The following DDX24 variants were observed in gnomAD, a reference collection of about 807,000 sequenced individuals.
DDX24 encodes the protein DEAD-box helicase 24.
Under a neutral mutation model 68.9 loss-of-function variants are expected in DDX24, and 24 were observed. The observed-to-expected ratio is 0.35, with a 90% CI of 0.25 to 0.49. The LOEUF is 0.49. Ranked by LOEUF, DDX24 falls within the 20% of genes least tolerant of loss-of-function variation. The pLI is 0.99. For synonymous variants in DDX24, 395 were observed against 385.2 expected (o/e 1.03, Z -0.30); for missense variants, 989 against 1,039.0 (o/e 0.95, Z 0.66).
At chr14:94,057,499 C>T (rs959620392) in intron 6 of DDX24, 1 of 267,570 alleles carries the variant, frequency 3.7e-6, no homozygotes, top group Admixed American at 5.3e-5. Context: ...AACTACCACA[C>T]TCTTCTATTA....
In DDX24 at chr14:94,057,803, A is replaced by C. The variant is rs1198689774; in HGVS notation, c.1989+19T>G. ...CATTCAGTGCAGGCAGATGCCTATA[A>C]ATTTTCAGATGCCCCTACCTGGTAA... is the stretch of plus-strand genomic sequence containing the variant. On this transcript the variant is annotated intron_variant, in intron 6 of 8. Coordinates refer to ENST00000621632, the MANE Select transcript of DDX24 (RefSeq NM_020414.4). 1 of 1,612,458 alleles carries C rather than the reference A, an allele frequency of 6.2e-7. No homozygotes were observed.
intron 2 of DDX24, among the ~76,000 whole-genome samples, chr14:94,069,323 G>T (rs1196870629): frequency 6.6e-6 from 1 of 151,988 alleles, no homozygotes; most frequent in African/African-American, 2.4e-5. Context: ...GGAAGAATGA[G>T]ATACCCTGAA....
chr14:94,052,681 TGACTC>T (rs1885409180), intron 8 of DDX24, among the ~76,000 whole-genome samples: 1 of 152,216 alleles, frequency 6.6e-6, no homozygotes, highest in African/African-American at 2.4e-5. Context: ...TTAAATAACT[TGACTC>T]AGTCACATAG....
chr14:94,065,784 G>A (rs973858692), intron 2 of DDX24, among the ~76,000 whole-genome samples: 2 of 139,254 alleles, frequency 1.4e-5, no homozygotes, highest in Non-Finnish European at 3.0e-5. Flanking sequence ...TTTACCTGGA[G>A]CTGAGTCAAG....
chr14:94,050,313 C>T lies in DDX24; in HGVS notation c.*878G>A, dbSNP rs922959986. The T allele has an allele frequency of 4.6e-5, 7 of 152,276 alleles. No individual in the cohort carries two copies. The highest frequency in any genetic ancestry group is 1.9e-4 in the East Asian group (1 of 5,198). The allele number at this position is 152,276 out of a possible 1,614,324, so 9.4% of individuals were successfully genotyped here. Reference sequence around the variant, plus strand: ...GCAAGTGCTATGAAGAGGGTAAGCACGGGACACTAAGGGAGCCCCAGGAGA... The same window carrying T: ...GCAAGTGCTATGAAGAGGGTAAGCATGGGACACTAAGGGAGCCCCAGGAGA... On this transcript the variant is annotated 3_prime_UTR_variant, in exon 9 of 9. Coordinates refer to ENST00000621632, the MANE Select transcript of DDX24 (RefSeq NM_020414.4).
At chr14:94,069,746 G>A (rs1233453154) in intron 2 of DDX24, among the ~76,000 whole-genome samples, 3 of 152,138 alleles carry the variant, frequency 2.0e-5, no homozygotes. Flanking sequence ...CATAAGCAGA[G>A]TTAAAAACCA....
intron 2 of DDX24, among the ~76,000 whole-genome samples, chr14:94,070,544 A>G (rs887300905): frequency 6.6e-6 from 1 of 152,240 alleles, no homozygotes; most frequent in African/African-American, 2.4e-5. Flanking sequence ...AAGAGCCTGC[A>G]TAGCCAAAAC....
At chr14:94,051,492 TTAC>T (rs1206727677) in intron 8 of DDX24, 30 bp from the exon 9 acceptor site, 1 of 1,503,942 alleles carries the variant, frequency 6.6e-7, no homozygotes, top group Non-Finnish European at 8.9e-7. Flanking sequence ...ACGATCCTAT[TTAC>T]TATGGTTTGT....
chr14:94,055,307 G>A (rs1444358749), intron 6 of DDX24, 123 bp from the exon 7 acceptor site: 1 of 912,660 alleles, frequency 1.1e-6, no homozygotes, highest in East Asian at 2.6e-5. Flanking sequence ...AACTTCTGCA[G>A]CATTGTAGAG....
chr14:94,067,803 C>T (rs937160875), intron 2 of DDX24, among the ~76,000 whole-genome samples: 2 of 135,658 alleles, frequency 1.5e-5, no homozygotes, highest in Non-Finnish European at 3.3e-5. Flanking sequence ...TTTGCCATTA[C>T]CAAGCCACCA....
At chr14:94,053,498 CG>C (rs1885432641) in intron 7 of DDX24, 1 of 174,954 alleles carries the variant, frequency 5.7e-6, no homozygotes, top group Non-Finnish European at 1.2e-5. Flanking sequence ...CGTGAGCCAC[CG>C]TGCCCAGCAA....
Position 94,079,154 on chromosome 14 carries a change from G to C in DDX24, c.589C>G (p.Leu197Val). The C allele has an allele frequency of 6.2e-7, 1 of 1,614,214 alleles. No homozygotes were observed. The highest frequency in any genetic ancestry group is 8.5e-7 in the Non-Finnish European group (1 of 1,180,044). The change falls in exon 2 of 9, where the codon CTG (leucine) becomes GTG (valine). Residue 197 changes from leucine to valine, a missense_variant. This residue lies in a region of DDX24 where 295 missense variants were observed against 263.0 expected (regional missense o/e 1.12). Coordinates refer to ENST00000621632, the MANE Select transcript of DDX24 (RefSeq NM_020414.4). ...CGGAGAACCGGCCTGGGAACAAACA[G>C]GTCCTTCCAAGCTGACACATCTGCT... ...QKADVSAWKD[L>V]FVPRPVLRAL...
At chr14:94,078,915 G>T in intron 2 of DDX24, 110 bp downstream of exon 2, 1 of 1,199,874 alleles carries the variant, frequency 8.3e-7, no homozygotes, top group Non-Finnish European at 1.2e-6. Flanking sequence ...ATTCAGCGTT[G>T]CTTTTGTGGT....
Position 94,060,116 on chromosome 14 carries a change from T to C in DDX24, c.1895A>G (p.Gln632Arg). 6.2e-7 allele frequency: 1 copy of C among 1,612,710 alleles called. No homozygotes were observed. The highest frequency in any genetic ancestry group is 8.5e-7 in the Non-Finnish European group (1 of 1,178,864). ...HQKQRLRNLEQFARLEDCVLL... is the reference protein window; with the variant it reads ...HQKQRLRNLERFARLEDCVLL... Reference sequence around the variant, plus strand: ...AACTTACTCTTCCAGACGGGCAAACTGCTCCAGGTTTCTGAGCCTCTGCTT... The same window carrying C: ...AACTTACTCTTCCAGACGGGCAAACCGCTCCAGGTTTCTGAGCCTCTGCTT... Residue 632 changes from glutamine (Q) to arginine (R), a missense_variant, in exon 5 of 9, where the codon CAG (glutamine) becomes CGG (arginine). Gln to Arg is a conservative substitution (Grantham distance 43). This residue lies in a region of DDX24 where 691 missense variants were observed against 760.0 expected (regional missense o/e 0.91). Transcript: ENST00000621632.
chr14:94,057,965 G>T, intron 5 of DDX24, 68 bp from the exon 6 acceptor site: 1 of 1,446,112 alleles, frequency 6.9e-7, no homozygotes, highest in Non-Finnish European at 9.6e-7. Flanking sequence ...CTTACCAACT[G>T]CTGAGCATCC....
chr14:94,062,169 G>A lies in DDX24; in HGVS notation c.1171C>T (p.Leu391=). The part of the protein sequence containing the change: ...KAYPKRPLLG[L]VLTPTRELAV... ...AGCTCTCGAGTGGGAGTCAGAACCAGTCCAAGCAGAGGACGCTTTGGATAT... is the reference window on the plus strand; with the variant it reads ...AGCTCTCGAGTGGGAGTCAGAACCAATCCAAGCAGAGGACGCTTTGGATAT... Residue 391 remains leucine (L), a synonymous_variant, in exon 3 of 9, where the codon CTG becomes TTG. Coordinates refer to ENST00000621632, the MANE Select transcript of DDX24 (RefSeq NM_020414.4). 1 of 1,614,120 alleles carries A rather than the reference G, an allele frequency of 6.2e-7. No individual in the cohort carries two copies. Among genetic ancestry groups the A allele is most frequent in the South Asian group, 1.1e-5 (1 of 91,084 alleles).
At position 94,065,384 on chromosome 14, in the gene DDX24, G is replaced by GACACACACACACACACACACACACAC. The variant is rs58390384; in HGVS notation, c.719-2764_719-2763insGTGTGTGTGTGTGTGTGTGTGTGTGT. Among the ~76,000 whole-genome samples, 1,409 of 147,202 alleles carry GACACACACACACACACACACACACAC rather than the reference G, an allele frequency of 9.6e-3. 14 individuals are homozygous for GACACACACACACACACACACACACAC. Among genetic ancestry groups the GACACACACACACACACACACACACAC allele is most frequent in the Admixed American group, 0.017 (251 of 14,754 alleles). On this transcript the variant is annotated intron_variant, in intron 2 of 8. Coordinates refer to ENST00000621632, the MANE Select transcript of DDX24 (RefSeq NM_020414.4). Reference sequence around the variant, plus strand: ...AGATCTTAATAGTATCTCTCTCTCTGACACACACACACACACACACAAATT... The same window carrying GACACACACACACACACACACACACAC: ...AGATCTTAATAGTATCTCTCTCTCTGACACACACACACACACACACACACACACACACACACACACACACACAAATT...
At chr14:94,063,984 A>G (rs1053668487) in intron 2 of DDX24, among the ~76,000 whole-genome samples, 7 of 152,244 alleles carry the variant, frequency 4.6e-5, no homozygotes, top group Non-Finnish European at 1.0e-4. Flanking sequence ...AAATATAATA[A>G]AAATGTATTC....
At chr14:94,072,831 AAAAC>A (rs796842712) in intron 2 of DDX24, among the ~76,000 whole-genome samples, 23 of 152,348 alleles carry the variant, frequency 1.5e-4, no homozygotes, top group African/African-American at 3.6e-4. Context: ...TCCGTCTCAA[AAAAC>A]AAACAAACAA....
Sources: gnomAD v4.1 joint callset for allele counts (sites outside exome capture counted in the v4.1 genomes callset) on GRCh38, gnomAD v4.1.1 for gene constraint, gnomAD v4.1.1 regional missense constraint, MANE v1.5 for transcripts, NCBI Gene and HGNC (gene_info 2026-07-23, HGNC 2026-07-21) for gene names.